The following AVEN variants were observed in gnomAD, a reference collection of about 807,000 sequenced individuals.
AVEN encodes the protein apoptosis and caspase activation inhibitor.
Under a neutral mutation model 38.1 loss-of-function variants are expected in AVEN, and 41 were observed. That is an observed-to-expected ratio of 1.08 (90% CI 0.84 to 1.40). The LOEUF is 1.40. Ranked by LOEUF, AVEN falls within the 40% of genes most tolerant of loss-of-function variation. AVEN has a pLI of 0.00. For missense variants in AVEN, 605 were observed against 438.8 expected (o/e 1.38, Z -3.38); for synonymous variants, 206 against 171.8 (o/e 1.20, Z -1.56).
At chr15:33,983,396 G>C (rs1002381533) in intron 2 of AVEN, among the ~76,000 whole-genome samples, 1 of 151,612 alleles carries the variant, frequency 6.6e-6, no homozygotes, top group Non-Finnish European at 1.5e-5. Flanking sequence ...TAACATAAAC[G>C]CTTCCATTCT....
intron 1 of AVEN, among the ~76,000 whole-genome samples, chr15:34,035,838 A>G (rs1169652222): frequency 1.3e-5 from 2 of 152,154 alleles, no homozygotes; most frequent in East Asian, 3.9e-4. Flanking sequence ...TCTATTGCCC[A>G]GGCTGGAGTG....
chr15:34,019,213 GC>G (rs1898099812), intron 1 of AVEN, among the ~76,000 whole-genome samples: 2 of 152,300 alleles, frequency 1.3e-5, no homozygotes, highest in Middle Eastern at 3.4e-3. Context: ...CCCTGTGTAG[GC>G]CTAGGCTAAT....
chr15:33,969,474 GATA>G (rs377765729), intron 2 of AVEN, among the ~76,000 whole-genome samples: 2 of 151,606 alleles, frequency 1.3e-5, no homozygotes, highest in East Asian at 1.9e-4. Context: ...GCCATTCACA[GATA>G]ATGTTTACCA....
chr15:33,948,316 T>C (rs947966262), intron 2 of AVEN, among the ~76,000 whole-genome samples: 1 of 151,648 alleles, frequency 6.6e-6, no homozygotes, highest in Non-Finnish European at 1.5e-5. Flanking sequence ...AGGCTGGTCT[T>C]GAACTCCTGA....
intron 1 of AVEN, among the ~76,000 whole-genome samples, chr15:34,007,315 ACTTT>A (rs1448660654): frequency 6.6e-6 from 1 of 152,212 alleles, no homozygotes; most frequent in African/African-American, 2.4e-5. Flanking sequence ...AAATGAATCA[ACTTT>A]CTAATAATAA....
chr15:33,995,787 G>A (rs1167209044), intron 2 of AVEN, among the ~76,000 whole-genome samples: 1 of 152,222 alleles, frequency 6.6e-6, no homozygotes, highest in Middle Eastern at 3.2e-3. Context: ...AGTGATTTCT[G>A]CATTTCCAAC....
Position 34,063,671 on chromosome 15 carries a change from C to T in AVEN, n.1127-239G>A, listed in dbSNP as rs1048219267. ...AGGATGAGGACAAGCCCGCCACTGA[C>T]CCTGTCCTCCAAGTGGTCTACAAGA... is the stretch of plus-strand genomic sequence containing the variant. On this transcript the variant is annotated intron_variant and non_coding_transcript_variant, in intron 4 of 11. Transcript: ENST00000675287. This position sits in a 1 kb window ranked among gnomAD's most constrained non-coding sequence, Gnocchi z 4.1. 2 of 1,614,066 alleles carry T rather than the reference C, an allele frequency of 1.2e-6. No homozygotes were observed. The highest frequency in any genetic ancestry group is 2.7e-5 in the African/African-American group (2 of 74,924).
At chr15:33,961,624 T>G (rs113360878) in intron 2 of AVEN, among the ~76,000 whole-genome samples, 12 of 151,200 alleles carry the variant, frequency 7.9e-5, no homozygotes, top group Admixed American at 4.6e-4. Flanking sequence ...CCATTCTGGC[T>G]AACACGGTGA....
chr15:33,936,137 GA>G (rs142903091), intron 2 of AVEN, among the ~76,000 whole-genome samples: 4 of 144,180 alleles, frequency 2.8e-5, no homozygotes, highest in Middle Eastern at 3.3e-3. Context: ...TCCCACTAAA[GA>G]AAAAAAAAAC....
chr15:34,053,319 A>AAAATATATATATAT (rs775436850), intron 5 of AVEN, among the ~76,000 whole-genome samples: 2 of 42,102 alleles, frequency 4.8e-5, no homozygotes, highest in African/African-American at 1.6e-4. Context: ...AAAAAAAAAA[A>AAAATATATATATAT]ATATATATAT....
intron 2 of AVEN, among the ~76,000 whole-genome samples, chr15:33,906,505 C>T (rs563656531): frequency 1.3e-5 from 2 of 152,346 alleles, no homozygotes; most frequent in South Asian, 4.1e-4. Flanking sequence ...GTACAAATAT[C>T]TGTTCCAGTC....
At chr15:33,860,526 C>A in intron 11 of AVEN, 1 of 887,732 alleles carries the variant, frequency 1.1e-6, no homozygotes, top group Non-Finnish European at 1.7e-6. Flanking sequence ...AAAGTAGCTT[C>A]TTCCTTTATC....
At chr15:34,071,684 C>G (rs1342971212) in intron 1 of AVEN, among the ~76,000 whole-genome samples, 2 of 152,186 alleles carry the variant, frequency 1.3e-5, no homozygotes, top group African/African-American at 4.8e-5. Context: ...AACTACAGCT[C>G]AGTGCCCCTA....
At chr15:33,864,439 A>G (rs980724200), downstream of AVEN, among the ~76,000 whole-genome samples, 11 of 151,182 alleles carry the variant, frequency 7.3e-5, no homozygotes, top group Middle Eastern at 3.2e-3. Flanking sequence ...GGAGAACATT[A>G]CAGAGACAAT....
intron 1 of AVEN, among the ~76,000 whole-genome samples, chr15:34,017,134 G>GAA (rs71415543): frequency 7.6e-6 from 1 of 130,812 alleles, no homozygotes; most frequent in Non-Finnish European, 1.8e-5. Context: ...TCTCAAGGGG[G>GAA]AAAAAAAAAG....
At chr15:33,905,648 A>G (rs575782) in intron 2 of AVEN, among the ~76,000 whole-genome samples, 130,600 of 151,820 alleles carry the variant, frequency 0.86, 58,379 homozygotes, top group Non-Finnish European at 0.98. Flanking sequence ...ACATGGCGAA[A>G]CCCCTTCTCT....
the AVEN span, chr15:33,853,741 T>C: frequency 3.2e-6 from 5 of 1,566,590 alleles, no homozygotes; most frequent in Middle Eastern, 1.7e-4. Flanking sequence ...TCTTTGCTTT[T>C]CCATAGGAAA....
chr15:33,904,708 T>TACACACACACACACACAC (rs568492308), intron 2 of AVEN, among the ~76,000 whole-genome samples: 5 of 115,062 alleles, frequency 4.3e-5, no homozygotes, highest in South Asian at 2.7e-4. Context: ...TATATATATA[T>TACACACACACACACACAC]ATATATATAC....
intron 2 of AVEN, among the ~76,000 whole-genome samples, chr15:33,882,336 A>G (rs1053159482): frequency 6.6e-6 from 1 of 152,324 alleles, no homozygotes; most frequent in African/African-American, 2.4e-5. Context: ...ACTGATGTAC[A>G]TGAAGAGTTC....
Sources: gnomAD v4.1 joint callset for allele counts (sites outside exome capture counted in the v4.1 genomes callset) on GRCh38, gnomAD v4.1.1 for gene constraint, Gnocchi (gnomAD v3.1) non-coding constraint, MANE v1.5 for transcripts, NCBI Gene and HGNC (gene_info 2026-07-23, HGNC 2026-07-21) for gene names.